INPP4A: variants seen among roughly 807,000 people sequenced by gnomAD.
The protein encoded by INPP4A is inositol polyphosphate-4-phosphatase type I A.
Under a neutral mutation model 119.8 loss-of-function variants are expected in INPP4A, and 33 were observed. The observed-to-expected ratio is 0.28, with a 90% CI of 0.21 to 0.37. INPP4A has a LOEUF of 0.37. Among genes scored for constraint, INPP4A ranks in the 10% least tolerant of loss-of-function variants. INPP4A has a pLI of 1.00. For synonymous variants in INPP4A, 496 were observed against 500.7 expected, an observed-to-expected ratio of 0.99 and a Z score of 0.12; for missense variants, 956 against 1,289.9, an observed-to-expected ratio of 0.74 and a Z score of 3.97.
At chr2:98,535,919 G>T in intron 6 of INPP4A, 74 bp downstream of exon 6, 2 of 800,914 alleles carry the variant, frequency 2.5e-6, no homozygotes, top group Non-Finnish European at 4.3e-6. Flanking sequence ...AATGAGAGAT[G>T]AACACAGATT....
rs752492990 is a variant in INPP4A, at chr2:98,545,950, C to T, written c.950-19C>T. 1 of 1,547,284 alleles carries T rather than the reference C, an allele frequency of 6.5e-7. No individual in the cohort carries two copies. Among genetic ancestry groups the T allele is most frequent in the Non-Finnish European group, 8.8e-7 (1 of 1,137,912 alleles). ...CATGTATGCTGATGGCCTTTATCTT[C>T]TCCTATTCCATTTCTTAGGGCCCTC... On this transcript the variant is annotated intron_variant, in intron 11 of 24. Transcript: ENST00000409851.
chr2:98,582,980 C>T (rs193044799), intron 24 of INPP4A, among the ~76,000 whole-genome samples: 1 of 151,160 alleles, frequency 6.6e-6, no homozygotes, highest in East Asian at 2.0e-4. Flanking sequence ...ACCTGCTGCA[C>T]ACACCAGACA....
chr2:98,511,920 G>T (rs1434449537), intron 1 of INPP4A, among the ~76,000 whole-genome samples: 2 of 152,190 alleles, frequency 1.3e-5, no homozygotes, highest in Admixed American at 1.3e-4. Context: ...AAACTGTAGC[G>T]CAAGCAAAGT....
chr2:98,558,868 G>A (rs1694960263), intron 16 of INPP4A, among the ~76,000 whole-genome samples: 1 of 152,188 alleles, frequency 6.6e-6, no homozygotes, highest in African/African-American at 2.4e-5. Flanking sequence ...ATTCTAATTG[G>A]AGACTACCCC....
At chr2:98,489,734 T>G (rs1018754602) in intron 1 of INPP4A, among the ~76,000 whole-genome samples, 2 of 152,172 alleles carry the variant, frequency 1.3e-5, no homozygotes, top group South Asian at 2.1e-4. Flanking sequence ...ACAGAAATGT[T>G]TTCTCTAGTC....
At chr2:98,553,833 C>G (rs979017468) in intron 14 of INPP4A, among the ~76,000 whole-genome samples, 2 of 152,188 alleles carry the variant, frequency 1.3e-5, no homozygotes, top group East Asian at 3.8e-4. Context: ...ACCCAGAACC[C>G]AGAACTTGAG....
chr2:98,465,630 A>C (rs1343561723), intron 1 of INPP4A, among the ~76,000 whole-genome samples: 5 of 152,064 alleles, frequency 3.3e-5, no homozygotes, highest in African/African-American at 1.2e-4. Flanking sequence ...AGGCTTGGGG[A>C]GGCCTAGGGG....
chr2:98,456,589 T>C (rs1696179913), intron 1 of INPP4A, among the ~76,000 whole-genome samples: 1 of 152,264 alleles, frequency 6.6e-6, no homozygotes, highest in South Asian at 2.1e-4. Context: ...TCCTCCTGCC[T>C]CAGCCTCCCA....
intron 1 of INPP4A, among the ~76,000 whole-genome samples, 154 bp from the exon 2 acceptor site, chr2:98,518,810 G>A (rs1193752550): frequency 2.0e-5 from 3 of 152,218 alleles, no homozygotes; most frequent in African/African-American, 7.2e-5. Context: ...TTGGGTTTGA[G>A]CAAAACTTGT....
chr2:98,513,022 GC>G (rs1685425808), intron 1 of INPP4A, among the ~76,000 whole-genome samples: 1 of 152,158 alleles, frequency 6.6e-6, no homozygotes, highest in African/African-American at 2.4e-5. Context: ...TAAGCAGATG[GC>G]TTTTGTTTGA....
At chr2:98,484,558 A>C (rs572135858) in intron 1 of INPP4A, among the ~76,000 whole-genome samples, 1 of 152,306 alleles carries the variant, frequency 6.6e-6, no homozygotes, top group East Asian at 1.9e-4. Flanking sequence ...ATTCAGCCCC[A>C]GAGAGGCACT....
At chr2:98,484,461 T>A (rs1390746187) in intron 1 of INPP4A, among the ~76,000 whole-genome samples, 2 of 152,172 alleles carry the variant, frequency 1.3e-5, no homozygotes, top group South Asian at 4.2e-4. Flanking sequence ...GTCACGTGAC[T>A]GGGGTGGGAA....
At chr2:98,470,817 A>G (rs1675856936) in intron 1 of INPP4A, among the ~76,000 whole-genome samples, 1 of 151,832 alleles carries the variant, frequency 6.6e-6, no homozygotes, top group Non-Finnish European at 1.5e-5. Flanking sequence ...ACAGGCACGC[A>G]CCACCACGCC....
chr2:98,469,576 G>A (rs961117868), intron 1 of INPP4A, among the ~76,000 whole-genome samples: 2 of 152,008 alleles, frequency 1.3e-5, no homozygotes, highest in East Asian at 3.9e-4. Context: ...GCCAAGGCAG[G>A]CAGATCACCT....
intron 1 of INPP4A, among the ~76,000 whole-genome samples, chr2:98,505,348 AC>A (rs1683845026): frequency 6.6e-6 from 1 of 152,160 alleles, no homozygotes; most frequent in Non-Finnish European, 1.5e-5. Flanking sequence ...GAGTGGGCTG[AC>A]CTTGGTGGAG....
chr2:98,572,794 C>A, intron 22 of INPP4A, 21 bp from the exon 23 acceptor site: 1 of 1,526,416 alleles, frequency 6.6e-7, no homozygotes, highest in South Asian at 1.2e-5. Flanking sequence ...CCCACTCCCA[C>A]GAACTCCTTT....
chr2:98,533,027 C>T (rs1322197211), intron 4 of INPP4A, among the ~76,000 whole-genome samples: 1 of 152,164 alleles, frequency 6.6e-6, no homozygotes, highest in African/African-American at 2.4e-5. Context: ...TCTGTGGCTC[C>T]TTCACTCAAT....
chr2:98,523,367 T>C (rs995042263), intron 4 of INPP4A, among the ~76,000 whole-genome samples: 2 of 151,738 alleles, frequency 1.3e-5, no homozygotes, highest in African/African-American at 4.8e-5. Flanking sequence ...TTTACCCCAG[T>C]TTTTTTTGTT....
intron 1 of INPP4A, among the ~76,000 whole-genome samples, chr2:98,476,362 C>T (rs910231184): frequency 2.6e-5 from 4 of 152,230 alleles, no homozygotes; most frequent in African/African-American, 9.7e-5. Context: ...ATGCTAAGCT[C>T]CACATTTGAG....
Sources: gnomAD v4.1 joint callset for allele counts (sites outside exome capture counted in the v4.1 genomes callset) on GRCh38, gnomAD v4.1.1 for gene constraint, MANE v1.5 for transcripts, NCBI Gene and HGNC (gene_info 2026-07-23, HGNC 2026-07-21) for gene names.